XRCC4: variants seen among roughly 807,000 people sequenced by gnomAD.
XRCC4 encodes DNA repair protein XRCC4.
A neutral mutation model predicts 39.1 loss-of-function variants in XRCC4; 28 were observed. The observed-to-expected ratio is 0.72, with a 90% CI of 0.53 to 0.98. XRCC4 has a LOEUF of 0.98. Among genes scored for constraint, XRCC4 ranks in the 50% least tolerant of loss-of-function variants. XRCC4 has a pLI of 0.00. For missense variants in XRCC4, 350 were observed against 376.4 expected, an observed-to-expected ratio of 0.93 and a Z score of 0.58; for synonymous variants, 123 against 126.4, an observed-to-expected ratio of 0.97 and a Z score of 0.18.
intron 7 of XRCC4, among the ~76,000 whole-genome samples, chr5:83,309,829 A>G (rs1445595528): frequency 1.3e-5 from 2 of 151,658 alleles, no homozygotes; most frequent in South Asian, 2.1e-4. Flanking sequence ...TATACCATCT[A>G]TCACATCTCT....
chr5:83,290,820 C>G (rs1025543074), intron 7 of XRCC4, among the ~76,000 whole-genome samples: 3 of 151,844 alleles, frequency 2.0e-5, no homozygotes, highest in Admixed American at 1.3e-4. Flanking sequence ...TACAAAATTA[C>G]CACCCTTTAT....
chr5:83,095,810 G>T (rs1402966922), intron 1 of XRCC4, among the ~76,000 whole-genome samples: 2 of 152,122 alleles, frequency 1.3e-5, no homozygotes, highest in Non-Finnish European at 2.9e-5. Context: ...TTCACAGTCT[G>T]CTGTGGGACA....
chr5:83,086,555 C>T (rs1042563750), intron 1 of XRCC4, among the ~76,000 whole-genome samples: 3 of 151,954 alleles, frequency 2.0e-5, no homozygotes, highest in African/African-American at 7.3e-5. Flanking sequence ...CTGGCTGGGG[C>T]GGAAGAGGAA....
intron 3 of XRCC4, among the ~76,000 whole-genome samples, chr5:83,182,169 T>C (rs147898213): frequency 7.9e-5 from 12 of 152,230 alleles, no homozygotes; most frequent in African/African-American, 2.6e-4. Context: ...ATAGTTGCTG[T>C]GGCCTGAAAG....
intron 1 of XRCC4, among the ~76,000 whole-genome samples, chr5:83,083,078 C>T (rs1054567472): frequency 2.0e-5 from 3 of 152,116 alleles, no homozygotes; most frequent in Non-Finnish European, 4.4e-5. Flanking sequence ...CATATCCCAA[C>T]CTCCCTATTT....
chr5:83,195,673 C>A, intron 3 of XRCC4, 97 bp from the exon 4 acceptor site: 1 of 1,184,608 alleles, frequency 8.4e-7, no homozygotes, highest in Non-Finnish European at 1.1e-6. Flanking sequence ...ATCCTTCTTA[C>A]ACTTTTTTAT....
intron 7 of XRCC4, among the ~76,000 whole-genome samples, chr5:83,279,713 G>C (rs906871043): frequency 6.6e-6 from 1 of 152,120 alleles, no homozygotes; most frequent in African/African-American, 2.4e-5. Context: ...AATAGTGATG[G>C]CATCCCATTA....
intron 7 of XRCC4, among the ~76,000 whole-genome samples, chr5:83,284,962 G>A (rs928263169): frequency 2.0e-5 from 3 of 152,018 alleles, no homozygotes; most frequent in African/African-American, 7.2e-5. Flanking sequence ...CATACACCCT[G>A]GGAAAGACAG....
chr5:83,267,267 AT>A (rs1753988502), intron 7 of XRCC4, among the ~76,000 whole-genome samples: 1 of 152,146 alleles, frequency 6.6e-6, no homozygotes, highest in Non-Finnish European at 1.5e-5. Context: ...TTGAAGATGA[AT>A]GTTATTTCTA....
At chr5:83,171,827 A>G (rs1249114525) in intron 3 of XRCC4, among the ~76,000 whole-genome samples, 3 of 152,186 alleles carry the variant, frequency 2.0e-5, no homozygotes. Flanking sequence ...TAATTTTCAC[A>G]AGGACAGAAA....
rs369446374 is a variant in XRCC4 at position 83,183,412 on chromosome 5, TTGTGTGTGTGTGTGTGTG to T, written c.316-12333_316-12316del. Among the ~76,000 whole-genome samples, 131 of 139,438 alleles carry T rather than the reference TTGTGTGTGTGTGTGTGTG, an allele frequency of 9.4e-4. No homozygotes were observed. The Middle Eastern group carries it at 0.011, about 11-fold the overall frequency. 91.5% of individuals were successfully genotyped at this position (139,438 alleles called of 152,430 possible). ...ATTTTGTCTCCTATTTTTCATTTAT[TTGTGTGTGTGTGTGTGTG>T]TGTGTGTGTGTGTGTGTGTGTGTGG... On this transcript the variant is annotated intron_variant, in intron 3 of 7. Coordinates refer to ENST00000396027, the MANE Select transcript of XRCC4 (RefSeq NM_003401.5).
chr5:83,250,849 T>C (rs1434534989), intron 6 of XRCC4, among the ~76,000 whole-genome samples: 1 of 152,200 alleles, frequency 6.6e-6, no homozygotes, highest in African/African-American at 2.4e-5. Context: ...ATAATAGATA[T>C]TTGACAATGG....
At chr5:83,192,905 A>T (rs1431928696) in intron 3 of XRCC4, among the ~76,000 whole-genome samples, 1 of 152,218 alleles carries the variant, frequency 6.6e-6, no homozygotes, top group Non-Finnish European at 1.5e-5. Flanking sequence ...ACTGATAAAT[A>T]AAGAACAGCT....
At chr5:83,206,959 G>A (rs1751445476) in intron 6 of XRCC4, among the ~76,000 whole-genome samples, 2 of 152,212 alleles carry the variant, frequency 1.3e-5, no homozygotes, top group South Asian at 4.1e-4. Context: ...TGATTCATCT[G>A]ATTCTAATCA....
intron 3 of XRCC4, among the ~76,000 whole-genome samples, chr5:83,122,693 T>C (rs1192250255): frequency 2.0e-5 from 3 of 152,194 alleles, no homozygotes; most frequent in Non-Finnish European, 4.4e-5. Flanking sequence ...TTATTCCAAA[T>C]GCTTCATTTG....
intron 7 of XRCC4, among the ~76,000 whole-genome samples, chr5:83,313,568 C>T (rs974950682): frequency 1.3e-5 from 2 of 152,060 alleles, no homozygotes; most frequent in Non-Finnish European, 2.9e-5. Context: ...AGACATACTG[C>T]TCAGAAAAAA....
intron 7 of XRCC4, among the ~76,000 whole-genome samples, chr5:83,323,554 C>T (rs1360840028): frequency 6.6e-6 from 1 of 151,632 alleles, no homozygotes; most frequent in African/African-American, 2.4e-5. Context: ...AAAAATAAAG[C>T]AACAGTTTTA....
At chr5:83,265,183 A>G (rs1753912146) in intron 7 of XRCC4, among the ~76,000 whole-genome samples, 1 of 152,158 alleles carries the variant, frequency 6.6e-6, no homozygotes, top group Non-Finnish European at 1.5e-5. Context: ...ATTTAGATGG[A>G]TAATATAATC....
At chr5:83,189,250 A>T (rs963657861) in intron 3 of XRCC4, among the ~76,000 whole-genome samples, 1 of 152,132 alleles carries the variant, frequency 6.6e-6, no homozygotes, top group African/African-American at 2.4e-5. Flanking sequence ...AACTTCTGAG[A>T]TTTCTGTACT....
Sources: allele counts gnomAD v4.1 joint callset (sites outside exome capture counted in the v4.1 genomes callset), GRCh38; gene constraint gnomAD v4.1.1; transcripts MANE v1.5; gene names NCBI Gene and HGNC (gene_info 2026-07-23, HGNC 2026-07-21).